Variants in LRP6 observed in about 807,000 individuals in gnomAD.
The protein encoded by LRP6 is low-density lipoprotein receptor-related protein 6.
LRP6 carries 43 observed loss-of-function variants against 184.1 expected under a neutral mutation model. The ratio of observed to expected loss-of-function variants is 0.23; its 90% CI spans 0.18 to 0.30. LRP6 has a LOEUF of 0.30. Ranked by LOEUF, LRP6 falls within the 10% of genes least tolerant of loss-of-function variation. The pLI, the probability that LRP6 is intolerant of heterozygous loss-of-function variation, is 1.00. For missense variants in LRP6, 1,571 were observed against 2,005.3 expected, an observed-to-expected ratio of 0.78 and a Z score of 4.14; for synonymous variants, 719 against 684.9, an observed-to-expected ratio of 1.05 and a Z score of -0.78.
At chr12:12,216,457 A>C (rs1314277431) in intron 2 of LRP6, among the ~76,000 whole-genome samples, 7 of 152,050 alleles carry the variant, frequency 4.6e-5, no homozygotes, top group Non-Finnish European at 7.3e-5. Context: ...AAGAGAAGAC[A>C]AATCCAAGAG....
At chr12:12,147,808 C>T (rs1337043704) in intron 14 of LRP6, among the ~76,000 whole-genome samples, 1 of 151,750 alleles carries the variant, frequency 6.6e-6, no homozygotes, top group African/African-American at 2.4e-5. Context: ...CCCATTTCTA[C>T]AAAAAATACC....
At chr12:12,223,805 A>T (rs553076471) in intron 2 of LRP6, among the ~76,000 whole-genome samples, 1 of 152,284 alleles carries the variant, frequency 6.6e-6, no homozygotes, top group East Asian at 1.9e-4. Flanking sequence ...CCTTTACCAC[A>T]TGGATCACTC....
chr12:12,151,814 A>G (rs1173186897), intron 12 of LRP6, among the ~76,000 whole-genome samples: 1 of 152,072 alleles, frequency 6.6e-6, no homozygotes, highest in Non-Finnish European at 1.5e-5. Context: ...AACTGCTGGG[A>G]ATACAGGCAG....
At chr12:12,245,688 C>A (rs1447994402) in intron 1 of LRP6, among the ~76,000 whole-genome samples, 1 of 152,108 alleles carries the variant, frequency 6.6e-6, no homozygotes, top group African/African-American at 2.4e-5. Flanking sequence ...AGACCCGAAA[C>A]TAAATATAAA....
Position 12,138,327 on chromosome 12 carries a change from T to A in LRP6, c.3605A>T (p.Tyr1202Phe). The change falls in exon 16 of 23, where the codon TAC becomes TTC. Residue 1202 changes from tyrosine to phenylalanine, a missense_variant and splice_region_variant. Tyr to Phe is a conservative substitution (Grantham distance 22). This residue lies in a region of LRP6 where 763 missense variants were observed against 859.5 expected (regional missense o/e 0.89). Transcript: ENST00000261349. Reference sequence around the variant, plus strand: ...AGCTTTATCCCATTAACACTTACTGTATTCTTGAAGGTTCAGCTCCTTTAC... The same window carrying A: ...AGCTTTATCCCATTAACACTTACTGAATTCTTGAAGGTTCAGCTCCTTTAC... ...HAVKELNLQE[Y>F]RQHPCAQDNG... is the part of the protein sequence containing the mutation. 1 of 1,612,510 alleles carries A rather than the reference T, an allele frequency of 6.2e-7. No individual in the cohort carries two copies. The highest frequency in any genetic ancestry group is 8.5e-7 in the Non-Finnish European group (1 of 1,178,522).
intron 2 of LRP6, among the ~76,000 whole-genome samples, chr12:12,204,441 G>A (rs1167347565): frequency 1.3e-5 from 2 of 152,036 alleles, no homozygotes; most frequent in Non-Finnish European, 2.9e-5. Flanking sequence ...CTGATGTAGT[G>A]TCAAATTGCA....
At chr12:12,236,597 G>C (rs913607997) in intron 2 of LRP6, among the ~76,000 whole-genome samples, 3 of 152,044 alleles carry the variant, frequency 2.0e-5, no homozygotes, top group Non-Finnish European at 4.4e-5. Context: ...TAACGGGCTC[G>C]GTCCTAAAAG....
At chr12:12,264,549 T>C (rs768548169) in intron 1 of LRP6, among the ~76,000 whole-genome samples, 7 of 152,170 alleles carry the variant, frequency 4.6e-5, no homozygotes, top group African/African-American at 9.7e-5. Flanking sequence ...TCCCAGACTC[T>C]CACATACCCC....
At chr12:12,159,483 T>C (rs1470294557) in intron 11 of LRP6, among the ~76,000 whole-genome samples, 4 of 152,258 alleles carry the variant, frequency 2.6e-5, no homozygotes, top group Non-Finnish European at 5.9e-5. Context: ...TCTTGAACTA[T>C]AGAAGGAAAA....
At chr12:12,257,537 C>T (rs1468369796) in intron 1 of LRP6, among the ~76,000 whole-genome samples, 13 of 143,856 alleles carry the variant, frequency 9.0e-5, no homozygotes, top group African/African-American at 2.3e-4. Context: ...GCCGAGATCA[C>T]GCCACTGCAC....
chr12:12,259,999 A>G (rs191726778), intron 1 of LRP6, among the ~76,000 whole-genome samples: 1 of 152,348 alleles, frequency 6.6e-6, no homozygotes, highest in Non-Finnish European at 1.5e-5. Flanking sequence ...TAACTCTTTA[A>G]TAAGTATCAC....
chr12:12,179,087 C>A (rs531918274), intron 7 of LRP6, among the ~76,000 whole-genome samples: 1 of 152,276 alleles, frequency 6.6e-6, no homozygotes, highest in South Asian at 2.1e-4. Flanking sequence ...AAGTCTAATT[C>A]AAAGTTGTTA....
intron 2 of LRP6, among the ~76,000 whole-genome samples, chr12:12,220,434 G>T (rs1311689340): frequency 2.0e-5 from 3 of 152,152 alleles, no homozygotes; most frequent in Admixed American, 2.0e-4. Context: ...GACCAGCTCT[G>T]CAGTATAGTA....
chr12:12,203,426 C>G, intron 2 of LRP6, 26 bp from the exon 3 acceptor site: 1 of 1,551,642 alleles, frequency 6.4e-7, no homozygotes, highest in Non-Finnish European at 8.9e-7. Flanking sequence ...ATAATTAAAG[C>G]CATGACAGAG....
chr12:12,260,651 T>C (rs971451447), intron 1 of LRP6, among the ~76,000 whole-genome samples: 13 of 152,336 alleles, frequency 8.5e-5, no homozygotes, highest in Admixed American at 5.2e-4. Flanking sequence ...ATGTCTACTA[T>C]TGACTGTGCG....
At position 12,120,034 on chromosome 12, in the gene LRP6, TATATATATAA is replaced by T. The variant is rs1206796271; in HGVS notation, c.*1082_*1091del. On this transcript the variant is annotated 3_prime_UTR_variant, in exon 23 of 23. Coordinates refer to ENST00000261349, the MANE Select transcript of LRP6 (RefSeq NM_002336.3). ...ATATATATATATATATATATATATA[TATATATATAA>T]ATGATTTCGTACTGTGATATATGCT... The T allele has an allele frequency of 7.5e-5, 9 of 119,220 alleles. No homozygotes were observed. The South Asian group carries it at 1.1e-3, about 14-fold the overall frequency. The allele number at this position is 119,220 out of a possible 1,614,324, so 7.4% of individuals were successfully genotyped here.
rs1949599579 is a variant in LRP6 at position 12,121,157 on chromosome 12, G to A, written c.4811C>T (p.Pro1604Leu). Residue 1604 changes from proline (P) to leucine (L), a missense_variant, in exon 23 of 23, where the codon CCG becomes CTG. Transcript: ENST00000261349. ...GGAGTCTGTACAGGGAGAGGGTGGC[G>A]GTGGGTAGAGGTGATGAGAATAGCT... The part of the protein sequence containing the change: ...ERSYSHHLYP[P>L]PPSPCTDSS The A allele has an allele frequency of 5.0e-6, 8 of 1,613,136 alleles. No individual in the cohort carries two copies. The highest frequency in any genetic ancestry group is 6.8e-6 in the Non-Finnish European group (8 of 1,179,714).
intron 3 of LRP6, among the ~76,000 whole-genome samples, chr12:12,194,369 G>GA (rs1282902033): frequency 6.6e-6 from 1 of 152,078 alleles, no homozygotes; most frequent in East Asian, 1.9e-4. Context: ...TCAGATGAAG[G>GA]AAAAAAACTT....
rs1218369629 is a variant in LRP6 at position 12,124,588 on chromosome 12, A to G, written c.4524T>C (p.Ser1508=). The G allele has an allele frequency of 6.2e-7, 1 of 1,612,518 alleles. No homozygotes were observed. Among genetic ancestry groups the G allele is most frequent in the East Asian group, 2.2e-5 (1 of 44,884 alleles). ...YTMEFGYSSN[S]PSTHRSYSYR... Reference sequence around the variant, plus strand: ...ACCTGTATGACCTATGAGTGGAAGGACTGTTTGAAGAATATCCAAATTCCA... The same window carrying G: ...ACCTGTATGACCTATGAGTGGAAGGGCTGTTTGAAGAATATCCAAATTCCA... Residue 1508 remains serine (S), a synonymous_variant, in exon 22 of 23, where the codon AGT becomes AGC. Transcript: ENST00000261349.
Sources: gnomAD v4.1 joint callset for allele counts (sites outside exome capture counted in the v4.1 genomes callset) on GRCh38, gnomAD v4.1.1 for gene constraint, gnomAD v4.1.1 regional missense constraint, MANE v1.5 for transcripts, NCBI Gene and HGNC (gene_info 2026-07-23, HGNC 2026-07-21) for gene names.